The following PLCB1 variants were observed in gnomAD, a reference collection of about 807,000 sequenced individuals.
PLCB1 encodes phospholipase C beta 1.
In PLCB1, 46 loss-of-function variants were observed where a neutral mutation model predicts 161.8. The ratio of observed to expected loss-of-function variants is 0.28; its 90% CI spans 0.22 to 0.36. The LOEUF (loss-of-function observed/expected upper bound fraction) is 0.36. PLCB1 is among the 10% of genes least tolerant of loss of function. The pLI, the probability that PLCB1 is intolerant of heterozygous loss-of-function variation, is 1.00. For missense variants in PLCB1, 1,016 were observed against 1,472.5 expected (o/e 0.69, Z 5.07); for synonymous variants, 517 against 503.7 (o/e 1.03, Z -0.35).
intron 1 of PLCB1, among the ~76,000 whole-genome samples, chr20:8,135,813 G>C (rs1365809954): frequency 1.3e-5 from 2 of 152,178 alleles, no homozygotes; most frequent in Non-Finnish European, 2.9e-5. Context: ...CTGTTAGCAG[G>C]CTCTGGTGGT....
At chr20:8,517,843 C>A (rs1984197482) in intron 3 of PLCB1, among the ~76,000 whole-genome samples, 1 of 152,156 alleles carries the variant, frequency 6.6e-6, no homozygotes, top group Admixed American at 6.5e-5. Context: ...GTTGATAAGA[C>A]AATGATGTCA....
At chr20:8,666,140 G>A (rs930800257) in intron 9 of PLCB1, among the ~76,000 whole-genome samples, 1 of 152,106 alleles carries the variant, frequency 6.6e-6, no homozygotes, top group African/African-American at 2.4e-5. Flanking sequence ...TGTGTTCTCT[G>A]CTTTCTCCCA....
chr20:8,667,060 T>C (rs1989828892), intron 9 of PLCB1, among the ~76,000 whole-genome samples: 2 of 152,148 alleles, frequency 1.3e-5, no homozygotes, highest in Non-Finnish European at 2.9e-5. Flanking sequence ...TCATTTTATA[T>C]AGATTACCTA....
In PLCB1 at chr20:8,758,486, G is replaced by A. The variant is rs779386250; in HGVS notation, c.2656+1308G>A. On this transcript the variant is annotated intron_variant, in intron 24 of 31. Coordinates refer to ENST00000338037, the MANE Select transcript of PLCB1 (RefSeq NM_015192.4). ...AGTTCCAGCAACTCAGGAGGCTGAG[G>A]CAGGAGAATTGCTTGAACCCAGGAG... Among the ~76,000 whole-genome samples, 143 of 152,002 alleles carry A rather than the reference G, an allele frequency of 9.4e-4. 2 individuals carry two copies. Among genetic ancestry groups the A allele is most frequent in the Non-Finnish European group, 1.9e-4 (13 of 68,016 alleles).
chr20:8,356,020 G>A (rs1986352625), intron 2 of PLCB1, among the ~76,000 whole-genome samples: 1 of 152,058 alleles, frequency 6.6e-6, no homozygotes, highest in Non-Finnish European at 1.5e-5. Context: ...GGTATAAAGT[G>A]AGACTCCATA....
At chr20:8,163,961 A>C (rs1218537827) in intron 2 of PLCB1, among the ~76,000 whole-genome samples, 1 of 152,170 alleles carries the variant, frequency 6.6e-6, no homozygotes, top group Non-Finnish European at 1.5e-5. Flanking sequence ...TGGCATAAAG[A>C]CTAGATTTTT....
At chr20:8,144,330 C>A (rs1259855478) in intron 1 of PLCB1, among the ~76,000 whole-genome samples, 1 of 152,142 alleles carries the variant, frequency 6.6e-6, no homozygotes, top group African/African-American at 2.4e-5. Context: ...TAATTTGGTT[C>A]TCTCGTGGAT....
intron 4 of PLCB1, among the ~76,000 whole-genome samples, chr20:8,644,325 GC>G (rs1250391924): frequency 6.7e-6 from 1 of 149,342 alleles, no homozygotes; most frequent in Non-Finnish European, 1.5e-5. Flanking sequence ...TCTCTGCCCG[GC>G]CGCCATCCCA....
intron 11 of PLCB1, 43 bp from the exon 12 acceptor site, chr20:8,708,626 GA>G (rs1473670032): frequency 3.3e-6 from 4 of 1,198,024 alleles, no homozygotes; most frequent in Non-Finnish European, 3.7e-6. Context: ...ATATACAGAT[GA>G]AAAATTCTGG....
chr20:8,555,321 C>A (rs897013222), intron 3 of PLCB1, among the ~76,000 whole-genome samples: 2 of 151,980 alleles, frequency 1.3e-5, no homozygotes, highest in Admixed American at 6.6e-5. Flanking sequence ...ATGATAGGAG[C>A]TTTGAAGTGA....
At chr20:8,664,625 C>T (rs545241916) in intron 9 of PLCB1, among the ~76,000 whole-genome samples, 1 of 152,184 alleles carries the variant, frequency 6.6e-6, no homozygotes, top group Non-Finnish European at 1.5e-5. Flanking sequence ...ACGGCAGAAA[C>T]TTAACTCAAA....
chr20:8,643,682 G>A (rs1055687283), intron 4 of PLCB1, among the ~76,000 whole-genome samples: 9 of 151,998 alleles, frequency 5.9e-5, no homozygotes, highest in Admixed American at 5.2e-4. Context: ...GAGGTCGGGA[G>A]ATCGAGACCA....
At chr20:8,304,020 A>T (rs1358210402) in intron 2 of PLCB1, among the ~76,000 whole-genome samples, 1 of 152,182 alleles carries the variant, frequency 6.6e-6, no homozygotes, top group Non-Finnish European at 1.5e-5. Context: ...TTGAAAGATC[A>T]TCTCAGACTA....
At chr20:8,167,562 G>A (rs1480950322) in intron 2 of PLCB1, among the ~76,000 whole-genome samples, 2 of 152,084 alleles carry the variant, frequency 1.3e-5, no homozygotes, top group African/African-American at 4.8e-5. Context: ...CTTCTAAAAG[G>A]AAAGTAATTT....
At chr20:8,776,410 A>G (rs1982946609) in intron 27 of PLCB1, among the ~76,000 whole-genome samples, 1 of 152,176 alleles carries the variant, frequency 6.6e-6, no homozygotes, top group African/African-American at 2.4e-5. Context: ...TTTCAAGCCA[A>G]TGTCATCATA....
At chr20:8,814,577 A>ATGTGTGTGTG (rs10670728) in intron 31 of PLCB1, among the ~76,000 whole-genome samples, 2,486 of 145,254 alleles carry the variant, frequency 0.017, 75 homozygotes, top group African/African-American at 0.059. Flanking sequence ...ATGTACTTGC[A>ATGTGTGTGTG]TGTGTGTGTG....
At chr20:8,269,115 G>C (rs1176643998) in intron 2 of PLCB1, among the ~76,000 whole-genome samples, 1 of 151,948 alleles carries the variant, frequency 6.6e-6, no homozygotes, top group Non-Finnish European at 1.5e-5. Context: ...TTTAATTTCT[G>C]GGGTACATGT....
chr20:8,784,837 T>A (rs1983408229), intron 27 of PLCB1, among the ~76,000 whole-genome samples: 1 of 152,128 alleles, frequency 6.6e-6, no homozygotes, highest in Non-Finnish European at 1.5e-5. Flanking sequence ...CAAACCTATA[T>A]AATTTTAAAA....
intron 3 of PLCB1, among the ~76,000 whole-genome samples, chr20:8,500,697 CTTT>C (rs1983370027): frequency 6.6e-6 from 1 of 152,112 alleles, no homozygotes; most frequent in Non-Finnish European, 1.5e-5. Context: ...ACTCTTTCTT[CTTT>C]ATTTTTATTA....
Sources: allele counts gnomAD v4.1 joint callset (sites outside exome capture counted in the v4.1 genomes callset), GRCh38; gene constraint gnomAD v4.1.1; transcripts MANE v1.5; gene names NCBI Gene and HGNC (gene_info 2026-07-23, HGNC 2026-07-21).